STARD9: variants seen among roughly 807,000 people sequenced by gnomAD.
The protein encoded by STARD9 is stAR-related lipid transfer protein 9.
In STARD9, 346 loss-of-function variants were observed where a neutral mutation model predicts 399.8. The observed-to-expected ratio is 0.87, with a 90% confidence interval of 0.79 to 0.95. The LOEUF (loss-of-function observed/expected upper bound fraction) is 0.95, where lower values mean the gene tolerates loss of function less well. Among genes scored for constraint, STARD9 ranks in the 40% least tolerant of loss-of-function variants. The pLI is 0.00. For missense variants in STARD9, 5,832 were observed against 5,667.5 expected (o/e 1.03, Z -0.93); for synonymous variants, 2,203 against 2,143.5 (o/e 1.03, Z -0.77).
chr15:42,608,049 C>G (rs1475024467), intron 3 of STARD9, among the ~76,000 whole-genome samples: 1 of 152,118 alleles, frequency 6.6e-6, no homozygotes, highest in Non-Finnish European at 1.5e-5. Flanking sequence ...TTTGCATACA[C>G]TTTGGTAAGT....
chr15:42,678,521 GT>G (rs2060358228), intron 20 of STARD9, among the ~76,000 whole-genome samples: 1 of 152,190 alleles, frequency 6.6e-6, no homozygotes, highest in Non-Finnish European at 1.5e-5. Context: ...ATTGTAGGGG[GT>G]TAACCTTAAG....
chr15:42,676,802 A>T (rs1012423518), intron 20 of STARD9, among the ~76,000 whole-genome samples: 2 of 152,118 alleles, frequency 1.3e-5, no homozygotes, highest in African/African-American at 4.8e-5. Context: ...GAGGCTGCCA[A>T]ACACCTTGAG....
rs527689038 is a variant in STARD9 at position 42,598,563 on chromosome 15, A to G, written c.234+12926A>G. On this transcript the variant is annotated intron_variant, in intron 3 of 32. Coordinates refer to ENST00000290607, the MANE Select transcript of STARD9 (RefSeq NM_020759.3). Reference sequence around the variant, plus strand: ...CTTTATATTTTTTCCCCAGATAACTATCCAGTTGTCTGAATACTATTAGTT... The same window carrying G: ...CTTTATATTTTTTCCCCAGATAACTGTCCAGTTGTCTGAATACTATTAGTT... Among the ~76,000 whole-genome samples, 27 of 152,046 alleles carry G rather than the reference A, an allele frequency of 1.8e-4. No homozygotes were observed. In the South Asian group the frequency reaches 3.3e-3, roughly 19 times the overall value.
chr15:42,684,902 A>G lies in STARD9; in HGVS notation c.3324A>G (p.Ser1108=). The change falls in exon 23 of 33, where the codon TCA becomes TCG. Residue 1108 remains serine, a synonymous_variant. Transcript: ENST00000290607. ...TATCTGACACAGATAGCAACTACTC[A>G]TTGGATTCTCTCTCATGTGTCTATG... ...NDLSDTDSNY[S]LDSLSCVYAK... 6.5e-7 allele frequency: 1 copy of G among 1,537,084 alleles called. No individual in the cohort carries two copies. Among genetic ancestry groups the G allele is most frequent in the Non-Finnish European group, 8.7e-7 (1 of 1,146,922 alleles).
intron 1 of STARD9, among the ~76,000 whole-genome samples, chr15:42,582,080 A>G (rs1272450642): frequency 1.3e-5 from 2 of 152,242 alleles, no homozygotes; most frequent in Admixed American, 6.5e-5. Context: ...TTGAGGCTGC[A>G]GTGAGCTATG....
chr15:42,663,371 G>T lies in STARD9; in HGVS notation c.959G>T (p.Gly320Val). 1.3e-6 allele frequency: 2 copies of T among 1,537,308 alleles called. No homozygotes were observed. Among genetic ancestry groups the T allele is most frequent in the Non-Finnish European group, 1.7e-6 (2 of 1,146,916 alleles). Residue 320 changes from glycine (G) to valine (V), a missense_variant, in exon 12 of 33, where the codon GGG becomes GTG. This residue lies in a region of STARD9 where 5,828 missense variants were observed against 5,651.1 expected (regional missense o/e 1.03). Transcript: ENST00000290607. ...AGTGGGATCCTTAGCTCTCCTTCTG[G>T]GACCAGCAGTGGAGGGGCACCCTCC... ...GDSGILSSPS[G>V]TSSGGAPSRR... is the part of the protein sequence containing the mutation.
In STARD9 at chr15:42,685,455, C is replaced by T; in HGVS notation, c.3877C>T (p.Leu1293Phe). 6.5e-7 allele frequency: 1 copy of T among 1,536,566 alleles called. No homozygotes were observed. Among genetic ancestry groups the T allele is most frequent in the Non-Finnish European group, 8.7e-7 (1 of 1,146,628 alleles). Reference sequence around the variant, plus strand: ...TTGTGAGCTCCAACCCCATTGTGAGCTCCAACCCCATTGTGAGCTCCAGCC... The same window carrying T: ...TTGTGAGCTCCAACCCCATTGTGAGTTCCAACCCCATTGTGAGCTCCAGCC... ...PHCELQPHCE[L>F]QPHCELQPHC... Residue 1293 changes from leucine (L) to phenylalanine (F), a missense_variant, in exon 23 of 33, where the codon CTC (leucine) becomes TTC (phenylalanine). Coordinates refer to ENST00000290607, the MANE Select transcript of STARD9 (RefSeq NM_020759.3).
chr15:42,614,098 G>A (rs953887342), intron 3 of STARD9, among the ~76,000 whole-genome samples: 2 of 152,082 alleles, frequency 1.3e-5, no homozygotes, highest in African/African-American at 4.8e-5. Flanking sequence ...AGATCACAAG[G>A]TCAGGAGTTC....
chr15:42,638,448 G>A (rs1456283590), intron 6 of STARD9, among the ~76,000 whole-genome samples: 1 of 152,122 alleles, frequency 6.6e-6, no homozygotes, highest in African/African-American at 2.4e-5. Context: ...GGAGGTTGCA[G>A]TGAGCCAAGA....
rs1047631411 is a variant in STARD9 at position 42,694,632 on chromosome 15, C to G, written c.12869C>G (p.Pro4290Arg). 4 of 1,537,042 alleles carry G rather than the reference C, an allele frequency of 2.6e-6. No homozygotes were observed. The highest frequency in any genetic ancestry group is 2.7e-5 in the African/African-American group (2 of 73,024). ...LSPQKQLSLL[P>R]NKDLFIWDLD... is the part of the protein sequence containing the mutation. ...CCTCAGAAACAACTGAGCCTCCTGC[C>G]CAACAAAGATCTCTTCATCTGGGAT... The change falls in exon 24 of 33, where the codon CCC becomes CGC. Residue 4290 changes from proline to arginine, a missense_variant. Coordinates refer to ENST00000290607, the MANE Select transcript of STARD9 (RefSeq NM_020759.3).
In STARD9 at chr15:42,663,855, A is replaced by G. The variant is rs998566707; in HGVS notation, c.1114A>G (p.Met372Val). ...TGCACACACTAGCTACAGTGAGACC[A>G]TGAGCACACTGAGATATGCATCCAG... ...SPAHTSYSETMSTLRYASSAK... is the reference protein window; with the variant it reads ...SPAHTSYSETVSTLRYASSAK... Residue 372 changes from methionine to valine, a missense_variant, in exon 13 of 33, where the codon ATG (methionine) becomes GTG (valine). Physicochemically the swap from Met to Val is conservative, Grantham distance 21. Transcript: ENST00000290607. The G allele has an allele frequency of 1.6e-5, 25 of 1,537,066 alleles. No homozygotes were observed. Among genetic ancestry groups the G allele is most frequent in the East Asian group, 2.4e-5 (1 of 40,936 alleles).
intron 3 of STARD9, among the ~76,000 whole-genome samples, chr15:42,607,262 G>A (rs2058749112): frequency 7.5e-6 from 1 of 133,016 alleles, no homozygotes; most frequent in Non-Finnish European, 1.6e-5. Flanking sequence ...GAGTACAGTG[G>A]TGCGATCTCA....
In STARD9 at chr15:42,686,824, T is replaced by C. The variant is rs2060570165; in HGVS notation, c.5246T>C (p.Val1749Ala). The C allele has an allele frequency of 6.5e-7, 1 of 1,537,170 alleles. No homozygotes were observed. ...LQPPLLETFY[V>A]TKSRDALTET... ...CCCCCACTCTTGGAAACATTCTATG[T>C]GACCAAAAGCAGGGATGCCCTGACA... The change falls in exon 23 of 33, where the codon GTG becomes GCG. Residue 1749 changes from valine (V) to alanine (A), a missense_variant. Transcript: ENST00000290607.
rs896105612 is a variant in STARD9, at chr15:42,669,163, C to A, written c.1323C>A (p.Asp441Glu). ...ELVLQNELKI[D>E]QLTKDWTQKW... ...CACCTCCTATACCTCTGCAGATAGA[C>A]CAGCTGACTAAAGACTGGACCCAGA... Residue 441 changes from aspartate to glutamate, a missense_variant, in exon 16 of 33, where the codon GAC becomes GAA. Asp to Glu is a conservative substitution (Grantham distance 45). Coordinates refer to ENST00000290607, the MANE Select transcript of STARD9 (RefSeq NM_020759.3). 3.3e-6 allele frequency: 5 copies of A among 1,532,650 alleles called. No homozygotes were observed. Among genetic ancestry groups the A allele is most frequent in the South Asian group, 2.4e-5 (2 of 83,882 alleles). The allele number at this position is 1,532,650 out of a possible 1,614,324, so 94.9% of individuals were successfully genotyped here. A position where few individuals can be genotyped will look rare whatever the true frequency, so the allele number is the denominator to read the frequency against.
chr15:42,640,489 C>A (rs2059511803), intron 7 of STARD9, among the ~76,000 whole-genome samples: 1 of 152,100 alleles, frequency 6.6e-6, no homozygotes, highest in African/African-American at 2.4e-5. Flanking sequence ...CAAGGCAGAC[C>A]ATGAGTTGAT....
At chr15:42,583,579 G>C (rs1478090611) in intron 2 of STARD9, among the ~76,000 whole-genome samples, 164 bp downstream of exon 2, 2 of 152,130 alleles carry the variant, frequency 1.3e-5, no homozygotes, top group African/African-American at 4.8e-5. Context: ...AGCAAATCAA[G>C]AAATCAAGAA....
rs567445149 is a variant in STARD9, at chr15:42,691,767, C to T, written c.10189C>T (p.His3397Tyr). Residue 3397 changes from histidine to tyrosine, a missense_variant, in exon 23 of 33, where the codon CAC becomes TAC. This residue lies in a region of STARD9 where 5,828 missense variants were observed against 5,651.1 expected (regional missense o/e 1.03). Transcript: ENST00000290607. ...TCGCTTGGATGATGGGACTACCGAT[C>T]ACAGGCACCTGAAGCCTGCCACCCC... is the stretch of plus-strand genomic sequence containing the variant. ...SSRLDDGTTD[H>Y]RHLKPATPPY... 2.0e-6 allele frequency: 3 copies of T among 1,537,262 alleles called. No homozygotes were observed. The East Asian group carries it at 7.3e-5, about 38-fold the overall frequency.
At chr15:42,575,876 C>CG in intron 1 of STARD9, 114 bp downstream of exon 1, 3 of 1,161,144 alleles carry the variant, frequency 2.6e-6, no homozygotes, top group Non-Finnish European at 2.5e-6. Context: ...CAAAGTGACC[C>CG]GGGGGGTCGG....
intron 3 of STARD9, among the ~76,000 whole-genome samples, chr15:42,598,224 G>A (rs748913690): frequency 1.1e-4 from 16 of 148,982 alleles, no homozygotes; most frequent in Non-Finnish European, 2.4e-4. Flanking sequence ...GTAGAGACGG[G>A]GTTTCACCAT....
Sources: gnomAD v4.1 joint callset for allele counts (sites outside exome capture counted in the v4.1 genomes callset) on GRCh38, gnomAD v4.1.1 for gene constraint, gnomAD v4.1.1 regional missense constraint, MANE v1.5 for transcripts, NCBI Gene and HGNC (gene_info 2026-07-23, HGNC 2026-07-21) for gene names.